Variants in CPED1 observed in about 807,000 individuals in gnomAD.
CPED1 encodes cadherin like and PC-esterase domain containing 1, also known as cadherin-like and PC-esterase domain-containing protein 1.
Under a neutral mutation model 128.2 loss-of-function variants are expected in CPED1, and 114 were observed. The ratio of observed to expected loss-of-function variants is 0.89; its 90% CI spans 0.76 to 1.04. CPED1 has a LOEUF of 1.04. CPED1 is among the 50% of genes least tolerant of loss of function. CPED1 has a pLI of 0.00. For synonymous variants in CPED1, 462 were observed against 426.7 expected, an observed-to-expected ratio of 1.08 and a Z score of -1.02; for missense variants, 1,211 against 1,207.1, an observed-to-expected ratio of 1.00 and a Z score of -0.05.
intron 3 of CPED1, among the ~76,000 whole-genome samples, chr7:121,019,565 G>A (rs970722327): frequency 1.3e-5 from 2 of 151,938 alleles, no homozygotes; most frequent in Non-Finnish European, 2.9e-5. Context: ...TTAATTTTGG[G>A]AATAAAACAA....
chr7:121,206,747 A>G (rs1292091436), intron 16 of CPED1, among the ~76,000 whole-genome samples: 2 of 151,950 alleles, frequency 1.3e-5, no homozygotes, highest in African/African-American at 4.8e-5. Flanking sequence ...TTAACGGCTG[A>G]AAAAATATTG....
At chr7:121,245,306 A>G (rs576053449) in intron 18 of CPED1, among the ~76,000 whole-genome samples, 24 of 152,296 alleles carry the variant, frequency 1.6e-4, no homozygotes, top group Non-Finnish European at 2.4e-4. Flanking sequence ...AAGATCAATC[A>G]GTAGTGTTAG....
At chr7:121,275,473 C>T (rs75542314) in intron 22 of CPED1, among the ~76,000 whole-genome samples, 98 of 152,212 alleles carry the variant, frequency 6.4e-4, no homozygotes, top group Non-Finnish European at 1.2e-3. Flanking sequence ...GTGGCAAACA[C>T]CTACTGTGAA....
chr7:121,219,310 A>G (rs986062193), intron 16 of CPED1, among the ~76,000 whole-genome samples: 1 of 152,000 alleles, frequency 6.6e-6, no homozygotes, highest in Non-Finnish European at 1.5e-5. Context: ...AATCCTACAA[A>G]GACCAGAGAC....
chr7:121,145,160 G>A (rs1384012098), intron 16 of CPED1, among the ~76,000 whole-genome samples: 1 of 151,766 alleles, frequency 6.6e-6, no homozygotes, highest in African/African-American at 2.4e-5. Flanking sequence ...TATAAATTAT[G>A]TATACTGCAT....
intron 16 of CPED1, among the ~76,000 whole-genome samples, chr7:121,164,357 C>T (rs1197326972): frequency 6.6e-6 from 1 of 152,212 alleles, no homozygotes; most frequent in Non-Finnish European, 1.5e-5. Context: ...ACTGAGGAAT[C>T]CCCTCCCCGA....
chr7:121,226,188 G>T (rs1455653806), intron 16 of CPED1, among the ~76,000 whole-genome samples: 1 of 151,958 alleles, frequency 6.6e-6, no homozygotes, highest in Non-Finnish European at 1.5e-5. Flanking sequence ...TTTTGTTGAT[G>T]TTGGTGCTAT....
At chr7:121,273,151 A>G (rs1792265441) in intron 22 of CPED1, among the ~76,000 whole-genome samples, 1 of 151,870 alleles carries the variant, frequency 6.6e-6, no homozygotes, top group Admixed American at 6.6e-5. Flanking sequence ...GGATGCATTT[A>G]TTAGTGGGTT....
chr7:121,097,945 T>C (rs1794741284), intron 6 of CPED1, 114 bp downstream of exon 6: 2 of 1,038,084 alleles, frequency 1.9e-6, no homozygotes, highest in South Asian at 2.1e-5. Flanking sequence ...TTAGTTTCTC[T>C]TACATAAATT....
In CPED1 at chr7:121,295,529, A is replaced by G. The variant is rs756757908; in HGVS notation, c.2958A>G (p.Gln986=). 3 of 1,614,130 alleles carry G rather than the reference A, an allele frequency of 1.9e-6. No homozygotes were observed. The highest frequency in any genetic ancestry group is 1.7e-5 in the Admixed American group (1 of 60,028). The change falls in exon 23 of 23, where the codon CAA becomes CAG. Residue 986 remains glutamine, a synonymous_variant. Transcript: ENST00000310396. ...NHIMGRYFSN[Q]SKLQQGTVTN... ...TCATGGGAAGATATTTCAGCAATCAAAGCAAACTACAACAAGGCACTGTAA... is the reference window on the plus strand; with the variant it reads ...TCATGGGAAGATATTTCAGCAATCAGAGCAAACTACAACAAGGCACTGTAA...
chr7:121,048,625 T>C (rs562983729), intron 4 of CPED1, among the ~76,000 whole-genome samples: 1 of 152,170 alleles, frequency 6.6e-6, no homozygotes, highest in South Asian at 2.1e-4. Flanking sequence ...CTGCAACCTC[T>C]GCCTCCCAGG....
At chr7:121,020,275 T>A (rs1792406369) in intron 3 of CPED1, among the ~76,000 whole-genome samples, 1 of 151,980 alleles carries the variant, frequency 6.6e-6, no homozygotes, top group Non-Finnish European at 1.5e-5. Context: ...ACCATATAGA[T>A]ATCCTTGCCA....
At chr7:121,194,036 ATATATATATATATTT>A (rs1797210184) in intron 16 of CPED1, among the ~76,000 whole-genome samples, 1 of 105,750 alleles carries the variant, frequency 9.5e-6, no homozygotes, top group Non-Finnish European at 1.9e-5. Context: ...ATATATATAT[ATATATATATATATTT>A]TTTTTTTTTT....
At chr7:121,118,789 G>A (rs905182159) in intron 7 of CPED1, among the ~76,000 whole-genome samples, 1 of 152,046 alleles carries the variant, frequency 6.6e-6, no homozygotes, top group South Asian at 2.1e-4. Context: ...GGCAAAGGAG[G>A]ACCAGGCATC....
At chr7:121,122,138 G>GTTT (rs1795405785) in intron 7 of CPED1, among the ~76,000 whole-genome samples, 1 of 76,958 alleles carries the variant, frequency 1.3e-5, no homozygotes, top group African/African-American at 5.0e-5. Context: ...CACTCATCTG[G>GTTT]ATTTTTTTTT....
chr7:121,023,362 T>C (rs1482286011), intron 3 of CPED1, among the ~76,000 whole-genome samples: 1 of 152,128 alleles, frequency 6.6e-6, no homozygotes, highest in Non-Finnish European at 1.5e-5. Context: ...GAAGGACATT[T>C]TATCTATCAG....
At chr7:121,276,050 T>TAATG (rs1011248396) in intron 22 of CPED1, among the ~76,000 whole-genome samples, 1 of 152,096 alleles carries the variant, frequency 6.6e-6, no homozygotes, top group African/African-American at 2.4e-5. Flanking sequence ...TGGCTATTTT[T>TAATG]AATGAATTAG....
intron 6 of CPED1, among the ~76,000 whole-genome samples, 186 bp from the exon 7 acceptor site, chr7:121,099,740 C>T (rs1290505514): frequency 6.6e-6 from 1 of 152,142 alleles, no homozygotes; most frequent in East Asian, 1.9e-4. Flanking sequence ...GACTCCTTCT[C>T]GCTGTACCTC....
chr7:121,122,102 CTGAA>C (rs945867468), intron 7 of CPED1, among the ~76,000 whole-genome samples: 7 of 150,076 alleles, frequency 4.7e-5, no homozygotes, highest in African/African-American at 1.7e-4. Context: ...TGCCACTATA[CTGAA>C]TGAATTAAAA....
Sources: allele counts gnomAD v4.1 joint callset (sites outside exome capture counted in the v4.1 genomes callset), GRCh38; gene constraint gnomAD v4.1.1; transcripts MANE v1.5; gene names NCBI Gene and HGNC (gene_info 2026-07-23, HGNC 2026-07-21).